Variants in FAM228B observed in about 807,000 individuals in gnomAD.
FAM228B encodes the protein protein FAM228B.
In FAM228B, 38 loss-of-function variants were observed where a neutral mutation model predicts 42.6. The observed-to-expected ratio is 0.89, with a 90% CI of 0.69 to 1.17. FAM228B has a LOEUF of 1.17. FAM228B is among the 50% of genes most tolerant of loss of function. FAM228B has a pLI of 0.00. For synonymous variants in FAM228B, 109 were observed against 122.3 expected (o/e 0.89, Z 0.72); for missense variants, 344 against 367.3 (o/e 0.94, Z 0.52).
In FAM228B at chr2:24,084,041, C is replaced by T. The variant is rs995917683; in HGVS notation, c.-210+3086C>T. ...TGTTTTGCATGAACAAAGAGGGCGC[C>T]CTGGGTTTAGGTCTGGGAAGCCCCA... is the stretch of plus-strand genomic sequence containing the variant. On this transcript the variant is annotated intron_variant, in intron 2 of 10. Coordinates refer to the FAM228B transcript ENST00000613899. The surrounding 1 kb of genome is among the most constrained non-coding windows in gnomAD (Gnocchi z 8.4). 5.9e-5 allele frequency: 76 copies of T among 1,291,744 alleles called. No homozygotes were observed. In the Admixed American group the frequency reaches 6.9e-4, roughly 12 times the overall value. 80.0% of individuals were successfully genotyped at this position (1,291,744 alleles called of 1,614,324 possible). A position where few individuals can be genotyped will look rare whatever the true frequency, so the allele number is the denominator to read the frequency against.
chr2:24,089,995 C>T (rs1234979303), intron 2 of FAM228B, among the ~76,000 whole-genome samples: 3 of 143,860 alleles, frequency 2.1e-5, no homozygotes, highest in South Asian at 2.3e-4. Context: ...AAAAAAACGC[C>T]GGGCGCAGTG....
chr2:24,156,785 C>G lies in FAM228B; in HGVS notation c.687-4721C>G, dbSNP rs961780016. On this transcript the variant is annotated intron_variant, in intron 7 of 10. Transcript: ENST00000615575. Reference sequence around the variant, plus strand: ...ATACATTTCTTTCCGCCCCCCCCCCCCCAGCTTTTTGTTTCATTTATCTTT... The same window carrying G: ...ATACATTTCTTTCCGCCCCCCCCCCGCCAGCTTTTTGTTTCATTTATCTTT... Among the ~76,000 whole-genome samples, 75 of 118,798 alleles carry G rather than the reference C, an allele frequency of 6.3e-4. 1 individual carries two copies. The South Asian group carries it at 9.9e-3, about 16-fold the overall frequency. The allele number at this position is 118,798 out of a possible 152,430, so 77.9% of individuals were successfully genotyped here.
intron 5 of FAM228B, among the ~76,000 whole-genome samples, chr2:24,145,734 C>G (rs1313223954): frequency 7.7e-6 from 1 of 130,448 alleles, no homozygotes; most frequent in Non-Finnish European, 1.6e-5. Context: ...GAGACGGAGT[C>G]TTGCTCTGTC....
chr2:24,117,950 G>T (rs1264157801), intron 3 of FAM228B, among the ~76,000 whole-genome samples: 1 of 152,138 alleles, frequency 6.6e-6, no homozygotes, highest in Non-Finnish European at 1.5e-5. Context: ...GATATTAATG[G>T]CGTGATGCCA....
At chr2:24,166,054 A>AAAAAATATATATATAT (rs56146407) in intron 9 of FAM228B, 21 of 81,048 alleles carry the variant, frequency 2.6e-4, no homozygotes, top group African/African-American at 5.2e-4. Context: ...AAAAAAAAAA[A>AAAAAATATATATATAT]ATATATATAT....
At chr2:24,096,557 A>G (rs1395921207) in intron 3 of FAM228B, 1 of 148,906 alleles carries the variant, frequency 6.7e-6, no homozygotes, top group East Asian at 1.9e-4. Context: ...AATTAATGAA[A>G]TAAAGCAAAT....
rs1367498989 is a variant in FAM228B, at chr2:24,166,069, A to ATATATATATATG, written c.933-1555_933-1554insATATATATGTAT. ...AAAAAAAAAAAATATATATATATATATATGTATGTATTCACATATATATAG... is the reference window on the plus strand; with the variant it reads ...AAAAAAAAAAAATATATATATATATATATATATATATGTATGTATGTATTCACATATATATAG... On this transcript the variant is annotated intron_variant, in intron 9 of 10. Coordinates refer to ENST00000615575, the MANE Select transcript of FAM228B (RefSeq NM_001145710.2). 7 of 145,064 alleles carry ATATATATATATG rather than the reference A, an allele frequency of 4.8e-5. No homozygotes were observed. The South Asian group carries it at 6.5e-4, about 14-fold the overall frequency. 9.0% of individuals were successfully genotyped at this position (145,064 alleles called of 1,614,324 possible).
intron 2 of FAM228B, 133 bp downstream of exon 2, chr2:24,124,593 T>C: frequency 1.7e-6 from 1 of 591,312 alleles, no homozygotes; most frequent in Non-Finnish European, 2.9e-6. Context: ...CCCTTCACTT[T>C]ACTAACTTTG....
At chr2:24,099,539 T>C (rs1665565999) in intron 3 of FAM228B, among the ~76,000 whole-genome samples, 1 of 151,972 alleles carries the variant, frequency 6.6e-6, no homozygotes, top group Non-Finnish European at 1.5e-5. Context: ...GAGAATAAAA[T>C]ACCTAGGAAT....
intron 7 of FAM228B, among the ~76,000 whole-genome samples, chr2:24,152,747 C>T (rs971286438): frequency 6.6e-6 from 1 of 152,164 alleles, no homozygotes; most frequent in African/African-American, 2.4e-5. Context: ...AGTATAGCAC[C>T]GAGTCTTGCA....
intron 7 of FAM228B, among the ~76,000 whole-genome samples, chr2:24,151,539 G>T (rs566361542): frequency 5.3e-5 from 8 of 151,280 alleles, no homozygotes; most frequent in African/African-American, 1.9e-4. Context: ...TGATCCACCC[G>T]CCTTGGCCTC....
intron 7 of FAM228B, among the ~76,000 whole-genome samples, chr2:24,148,932 G>A (rs536058278): frequency 4.6e-5 from 7 of 152,140 alleles, no homozygotes; most frequent in Non-Finnish European, 1.0e-4. Context: ...CCATGAGTTC[G>A]ATTGTTTTGA....
chr2:24,124,235 C>T (rs1355105271), intron 1 of FAM228B, 95 bp from the exon 2 acceptor site: 1 of 618,906 alleles, frequency 1.6e-6, no homozygotes, highest in Admixed American at 3.3e-5. Context: ...TGTTCAAAAT[C>T]CATTTTGCGT....
chr2:24,124,120 G>T lies in FAM228B; in HGVS notation c.-32-210G>T, dbSNP rs1056159013. The stretch of plus-strand genomic sequence containing the variant: ...TGGGAATCCATTCCAAGGGACGGGG[G>T]ATTCTTTCAAAGAGCATCTCGCCTG... On this transcript the variant is annotated intron_variant, in intron 1 of 10. Transcript: ENST00000615575. 5.6e-5 allele frequency: 20 copies of T among 355,750 alleles called. No individual in the cohort carries two copies. The East Asian group carries it at 9.3e-4, about 17-fold the overall frequency. The allele number at this position is 355,750 out of a possible 1,614,324, so 22.0% of individuals were successfully genotyped here. A position where few individuals can be genotyped will look rare whatever the true frequency, so the allele number is the denominator to read the frequency against.
chr2:24,129,306 CT>C (rs57641483), intron 2 of FAM228B, among the ~76,000 whole-genome samples: 21,021 of 139,308 alleles, frequency 0.15, 1,776 homozygotes, highest in South Asian at 0.22. Flanking sequence ...TCTATTTTAT[CT>C]TTTTTTTTTT....
chr2:24,111,349 G>A (rs888070915), intron 3 of FAM228B, among the ~76,000 whole-genome samples: 3 of 152,122 alleles, frequency 2.0e-5, no homozygotes, highest in South Asian at 4.1e-4. Context: ...ATGAGCCACC[G>A]CACCTGGCCC....
At position 24,112,876 on chromosome 2, in the gene FAM228B, C is replaced by T. The variant is rs188358220; in HGVS notation, c.-121+17647C>T. Among the ~76,000 whole-genome samples, 33 of 152,298 alleles carry T rather than the reference C, an allele frequency of 2.2e-4. No individual in the cohort carries two copies. The East Asian group carries it at 6.0e-3, about 28-fold the overall frequency. On this transcript the variant is annotated intron_variant, in intron 3 of 10. Transcript: ENST00000613899. ...ATTCTTTCCACACAACAGGCCTTTT[C>T]ATCACTCTGTGCCTTGGCATTTGGT...
In FAM228B at chr2:24,086,750, C is replaced by T. The variant is rs573878110; in HGVS notation, c.-210+5795C>T. ...AAAAGCACTGTAACTCAATATACCCCATTAAGATATAATTCACTTGTTAGG... is the reference window on the plus strand; with the variant it reads ...AAAAGCACTGTAACTCAATATACCCTATTAAGATATAATTCACTTGTTAGG... On this transcript the variant is annotated intron_variant, in intron 2 of 10. Transcript: ENST00000613899. 2.0e-5 allele frequency among the ~76,000 whole-genome samples: 3 copies of T among 152,270 alleles called. No homozygotes were observed. In the South Asian group the frequency reaches 6.2e-4, roughly 32 times the overall value.
intron 7 of FAM228B, among the ~76,000 whole-genome samples, chr2:24,159,483 G>A (rs1339485454): frequency 6.6e-6 from 1 of 152,166 alleles, no homozygotes; most frequent in African/African-American, 2.4e-5. Context: ...AAAGGAGGAA[G>A]AACAGTTTCT....
Sources: allele counts gnomAD v4.1 joint callset (sites outside exome capture counted in the v4.1 genomes callset), GRCh38; gene constraint gnomAD v4.1.1; non-coding constraint Gnocchi (gnomAD v3.1); transcripts MANE v1.5; gene names NCBI Gene and HGNC (gene_info 2026-07-23, HGNC 2026-07-21).